The following RCC1L variants were observed in gnomAD, a reference collection of about 807,000 sequenced individuals.
RCC1L encodes the protein RCC1-like G exchanging factor-like protein.
RCC1L carries 46 observed loss-of-function variants against 58.6 expected under a neutral mutation model. The ratio of observed to expected loss-of-function variants is 0.79; its 90% CI spans 0.62 to 1.00. RCC1L has a LOEUF of 1.00. RCC1L is among the 50% of genes least tolerant of loss of function. RCC1L has a pLI of 0.00. For missense variants in RCC1L, 636 were observed against 623.6 expected, an observed-to-expected ratio of 1.02 and a Z score of -0.21; for synonymous variants, 281 against 262.9, an observed-to-expected ratio of 1.07 and a Z score of -0.67.
At chr7:75,041,372 G>C (rs987723309), downstream of RCC1L, among the ~76,000 whole-genome samples, 1 of 152,132 alleles carries the variant, frequency 6.6e-6, no homozygotes, top group Non-Finnish European at 1.5e-5. Flanking sequence ...TTCACGGTGC[G>C]GGGATTTTTG....
chr7:75,059,613 G>A (rs1309777334), intron 6 of RCC1L, among the ~76,000 whole-genome samples: 2 of 151,720 alleles, frequency 1.3e-5, no homozygotes, highest in Non-Finnish European at 2.9e-5. Flanking sequence ...ATCTCACTAT[G>A]TTGCCCAGGC....
intron 10 of RCC1L, among the ~76,000 whole-genome samples, chr7:75,032,729 T>C (rs1201880618): frequency 4.3e-4 from 66 of 152,110 alleles, no homozygotes; most frequent in African/African-American, 1.5e-3. Flanking sequence ...CTGAGAAGCT[T>C]TTATGCCTGG....
Position 75,064,624 on chromosome 7 carries a change from T to A in RCC1L, c.608A>T (p.Tyr203Phe). ...EGVFSMGNNS[Y>F]GQCGRKVVEN... Reference sequence around the variant, plus strand: ...GACCACCTTTCTTCCACATTGCCCATAAGAATTGTTTCCCATGCTGAAGAC... The same window carrying A: ...GACCACCTTTCTTCCACATTGCCCAAAAGAATTGTTTCCCATGCTGAAGAC... Residue 203 changes from tyrosine (Y) to phenylalanine (F), a missense_variant, in exon 4 of 11, where the codon TAT becomes TTT. Tyr to Phe is a conservative substitution (Grantham distance 22). Coordinates refer to ENST00000610322, the MANE Select transcript of RCC1L (RefSeq NM_030798.5). The A allele has an allele frequency of 6.2e-7, 1 of 1,613,802 alleles. No individual in the cohort carries two copies. Among genetic ancestry groups the A allele is most frequent in the Non-Finnish European group, 8.5e-7 (1 of 1,179,818 alleles).
intron 8 of RCC1L, 135 bp downstream of exon 8, chr7:75,057,394 G>C (rs1563076115): frequency 1.2e-6 from 1 of 816,174 alleles, no homozygotes; most frequent in East Asian, 2.7e-5. Context: ...TGGGATTACA[G>C]ATGTGAGCCA....
Position 75,073,547 on chromosome 7 carries a change from C to G in RCC1L, c.191G>C (p.Trp64Ser). 2 of 1,505,112 alleles carry G rather than the reference C, an allele frequency of 1.3e-6. No individual in the cohort carries two copies. The highest frequency in any genetic ancestry group is 1.8e-6 in the Non-Finnish European group (2 of 1,135,622). The allele number at this position is 1,505,112 out of a possible 1,614,324, so 93.2% of individuals were successfully genotyped here. ...CAGCGCCCCCGAGAAGCTGAAGCCC[C>G]ACACGAAGACGCGATCGGCGCGGGC... ...RAARADRVFV[W>S]GFSFSGALGV... The change falls in exon 1 of 11, where the codon TGG becomes TCG. Residue 64 changes from tryptophan (W) to serine (S), a missense_variant. Trp to Ser is a radical substitution (Grantham distance 177, BLOSUM62 -3). Transcript: ENST00000610322.
intron 7 of RCC1L, 129 bp downstream of exon 7, chr7:75,058,459 G>C (rs1320907151): frequency 8.1e-7 from 1 of 1,239,556 alleles, no homozygotes; most frequent in African/African-American, 1.5e-5. Context: ...CTGAACTCCT[G>C]ACCTCAAGCC....
At chr7:75,033,550 C>T (rs1805363683) in intron 10 of RCC1L, among the ~76,000 whole-genome samples, 1 of 151,902 alleles carries the variant, frequency 6.6e-6, no homozygotes, top group East Asian at 1.9e-4. Context: ...TAAAAATTAG[C>T]CAGGCATGGT....
At chr7:75,027,932 G>C in exon 11 of RCC1L, 1 of 1,305,438 alleles carries the variant, frequency 7.7e-7, no homozygotes, top group Non-Finnish European at 1.1e-6. Flanking sequence ...GTCTCTCCAG[G>C]CCCCAGACCC....
downstream of RCC1L, among the ~76,000 whole-genome samples, chr7:75,040,904 G>A (rs1225804000): frequency 5.3e-5 from 8 of 152,256 alleles, no homozygotes; most frequent in Admixed American, 5.2e-4. Context: ...ACTGCTGGCT[G>A]GGTGACCATT....
At chr7:75,028,235 A>G in intron 10 of RCC1L, among the ~76,000 whole-genome samples, 1 of 150,714 alleles carries the variant, frequency 6.6e-6, no homozygotes, top group East Asian at 2.0e-4. Flanking sequence ...AGTCTCCTAC[A>G]TTGGCCTCCC....
chr7:75,035,450 A>G (rs1805414756), intron 10 of RCC1L, among the ~76,000 whole-genome samples: 1 of 152,206 alleles, frequency 6.6e-6, no homozygotes, highest in African/African-American at 2.4e-5. Flanking sequence ...TGGAATTTAC[A>G]GAGTGTGTTG....
chr7:75,039,363 T>C (rs1805495155), downstream of RCC1L, among the ~76,000 whole-genome samples: 1 of 152,250 alleles, frequency 6.6e-6, no homozygotes, highest in African/African-American at 2.4e-5. Flanking sequence ...GATTTGACTT[T>C]GTCATGCAGA....
intron 6 of RCC1L, among the ~76,000 whole-genome samples, chr7:75,059,226 A>C (rs1438477697): frequency 1.3e-5 from 2 of 150,932 alleles, no homozygotes; most frequent in Non-Finnish European, 2.9e-5. Context: ...AAAGAAAGAA[A>C]GAAAAGAAAC....
intron 8 of RCC1L, 123 bp downstream of exon 8, chr7:75,057,406 C>G: frequency 1.1e-6 from 1 of 938,600 alleles, no homozygotes; most frequent in South Asian, 1.4e-5. Context: ...TGTGAGCCAC[C>G]GCGCCCAGCC....
intron 1 of RCC1L, among the ~76,000 whole-genome samples, chr7:75,072,177 T>G (rs1362532768): frequency 1.0e-5 from 1 of 96,360 alleles, no homozygotes; most frequent in Non-Finnish European, 2.2e-5. Context: ...TATATATATA[T>G]ATATATATAT....
In RCC1L at chr7:75,061,248, C is replaced by A; in HGVS notation, c.746G>T (p.Gly249Val). The part of the protein sequence containing the change: ...QDHSLFLTDK[G>V]EVYSCGWGAD... The stretch of plus-strand genomic sequence containing the variant: ...ACCCCATCCACAAGAATAGACTTCT[C>A]CTTTATCCGTCAGGAACAGACTATG... Residue 249 changes from glycine to valine, a missense_variant, in exon 6 of 11, where the codon GGA becomes GTA. Physicochemically the swap from Gly to Val is moderately radical, Grantham distance 109 (BLOSUM62 -3). Coordinates refer to ENST00000610322, the MANE Select transcript of RCC1L (RefSeq NM_030798.5). 1 of 1,613,824 alleles carries A rather than the reference C, an allele frequency of 6.2e-7. No individual in the cohort carries two copies. The highest frequency in any genetic ancestry group is 8.5e-7 in the Non-Finnish European group (1 of 1,179,832).
chr7:75,069,058 G>A (rs890097541), intron 2 of RCC1L, among the ~76,000 whole-genome samples: 6 of 151,692 alleles, frequency 4.0e-5, no homozygotes, highest in East Asian at 3.9e-4. Flanking sequence ...TAGTAGAGAC[G>A]GGGTTTCACC....
In RCC1L at chr7:75,073,720, C is replaced by T; in HGVS notation, c.18G>A (p.Leu6=). The stretch of plus-strand genomic sequence containing the variant: ...GCCGCCCCAGCCGAGCCCCAGCCAC[C>T]AACGCCACCAGCGCCATCCTCCGTT... MALVA[L]VAGARLGRRL... The change falls in exon 1 of 11, where the codon TTG becomes TTA. Residue 6 remains leucine (L), a synonymous_variant. Coordinates refer to ENST00000610322, the MANE Select transcript of RCC1L (RefSeq NM_030798.5). 1 of 1,510,764 alleles carries T rather than the reference C, an allele frequency of 6.6e-7. No homozygotes were observed. The highest frequency in any genetic ancestry group is 8.8e-7 in the Non-Finnish European group (1 of 1,136,066). The allele number at this position is 1,510,764 out of a possible 1,614,324, so 93.6% of individuals were successfully genotyped here.
At chr7:75,039,816 C>A (rs972207212), downstream of RCC1L, among the ~76,000 whole-genome samples, 1 of 152,042 alleles carries the variant, frequency 6.6e-6, no homozygotes, top group African/African-American at 2.4e-5. Flanking sequence ...CTCACTAAAG[C>A]GAGAGGAGAC....
Sources: gnomAD v4.1 joint callset for allele counts (sites outside exome capture counted in the v4.1 genomes callset) on GRCh38, gnomAD v4.1.1 for gene constraint, MANE v1.5 for transcripts, NCBI Gene and HGNC (gene_info 2026-07-23, HGNC 2026-07-21) for gene names.